Variants in ENGASE observed in about 807,000 individuals in gnomAD.
ENGASE encodes endo-beta-N-acetylglucosaminidase.
A neutral mutation model predicts 78.5 loss-of-function variants in ENGASE; 69 were observed. The observed-to-expected ratio is 0.88, with a 90% CI of 0.72 to 1.07. ENGASE has a LOEUF of 1.07. Among genes scored for constraint, ENGASE ranks in the 50% least tolerant of loss-of-function variants. The probability of loss-of-function intolerance (pLI) is 0.00; values close to 1 mark genes in which losing one functional copy is unlikely to be tolerated. For missense variants in ENGASE, 943 were observed against 988.4 expected (o/e 0.95, Z 0.62); for synonymous variants, 408 against 408.9 (o/e 1.00, Z 0.03).
rs560731472 is a variant in ENGASE at position 79,087,415 on chromosome 17, C to G, written c.*1066C>G. 48 of 225,132 alleles carry G rather than the reference C, an allele frequency of 2.1e-4. No individual in the cohort carries two copies. Among genetic ancestry groups the G allele is most frequent in the Middle Eastern group, 3.8e-3 (2 of 522 alleles). The allele number at this position is 225,132 out of a possible 1,614,324, so 13.9% of individuals were successfully genotyped here. A position where few individuals can be genotyped will look rare whatever the true frequency, so the allele number is the denominator to read the frequency against. ...GGGTCTTCACCACAGGCGCCTTCCT[C>G]TGTCCTTCCTGCTCTTTCTTCTCTG... On this transcript the variant is annotated 3_prime_UTR_variant, in exon 14 of 14. Transcript: ENST00000579016.
rs774103251 is a variant in ENGASE at position 79,080,312 on chromosome 17, C to A, written c.671C>A (p.Thr224Asn). 1.2e-6 allele frequency: 2 copies of A among 1,613,978 alleles called. No homozygotes were observed. Among genetic ancestry groups the A allele is most frequent in the African/African-American group, 2.7e-5 (2 of 75,046 alleles). ...GTGGCTGACCGGCTGGTCCAGATCA[C>A]TCAGTTTTTTCGTTTTGATGGCTGG... ...QAVADRLVQI[T>N]QFFRFDGWLI... The change falls in exon 5 of 14, where the codon ACT (threonine) becomes AAT (asparagine). Residue 224 changes from threonine (T) to asparagine (N), a missense_variant. By Grantham distance (65) the Thr-to-Asn change is moderately conservative. Coordinates refer to ENST00000579016, the MANE Select transcript of ENGASE (RefSeq NM_001042573.3).
intron 10 of ENGASE, chr17:79,084,221 A>G (rs12939800): frequency 0.051 from 27,589 of 536,016 alleles, 802 homozygotes; most frequent in Middle Eastern, 0.064. Flanking sequence ...GACTCTCCCC[A>G]TTGCACATTA....
chr17:79,085,770 T>C (rs893188896), intron 13 of ENGASE, 36 bp downstream of exon 13: 3 of 1,608,014 alleles, frequency 1.9e-6, no homozygotes, highest in African/African-American at 1.3e-5. Flanking sequence ...CTGGGCTGGC[T>C]GTTTGTCCAG....
chr17:79,077,820 G>C lies in ENGASE; in HGVS notation c.372G>C (p.Arg124=). 6.2e-7 allele frequency: 1 copy of C among 1,613,860 alleles called. No individual in the cohort carries two copies. Among genetic ancestry groups the C allele is most frequent in the South Asian group, 1.1e-5 (1 of 91,070 alleles). ...CCCCTCTGAGCAGCCAGAGGCCCCGGACTTTGTTGTGTCATGACATGATGG... is the reference window on the plus strand; with the variant it reads ...CCCCTCTGAGCAGCCAGAGGCCCCGCACTTTGTTGTGTCATGACATGATGG... ...RQPPLSSQRP[R]TLLCHDMMGG... is the part of the protein sequence containing the mutation. Residue 124 remains arginine, a synonymous_variant, in exon 3 of 14, where the codon CGG becomes CGC. Coordinates refer to ENST00000579016, the MANE Select transcript of ENGASE (RefSeq NM_001042573.3).
rs371426986 is a variant in ENGASE, at chr17:79,081,919, C to T, written c.894C>T (p.Asp298=). 99 of 1,613,022 alleles carry T rather than the reference C, an allele frequency of 6.1e-5. No homozygotes were observed. Among genetic ancestry groups the T allele is most frequent in the Non-Finnish European group, 7.8e-5 (92 of 1,179,392 alleles). The change falls in exon 7 of 14, where the codon GAC becomes GAT. Residue 298 remains aspartate (D), a synonymous_variant. Coordinates refer to ENST00000579016, the MANE Select transcript of ENGASE (RefSeq NM_001042573.3). ...QHNRVFFDSC[D]GFFTNYNWRE... ...TCAGGGTCTTCTTTGATTCCTGCGACGGCTTCTTCACTAACTATAACTGGC... is the reference window on the plus strand; with the variant it reads ...TCAGGGTCTTCTTTGATTCCTGCGATGGCTTCTTCACTAACTATAACTGGC...
In ENGASE at chr17:79,082,225, G is replaced by A. The variant is rs765195705; in HGVS notation, c.1038+162G>A. ...CACTGAGAAACAGGTGTCCTGCCCC[G>A]GCCAAGCTATGTCCCCACTGAAACC... On this transcript the variant is annotated intron_variant, in intron 7 of 13. Coordinates refer to ENST00000579016, the MANE Select transcript of ENGASE (RefSeq NM_001042573.3). 4 of 1,549,746 alleles carry A rather than the reference G, an allele frequency of 2.6e-6. No individual in the cohort carries two copies. The South Asian group carries it at 3.6e-5, about 14-fold the overall frequency.
rs771673399 is a variant in ENGASE, at chr17:79,085,685, C to T, written c.1766C>T (p.Pro589Leu). Residue 589 changes from proline (P) to leucine (L), a missense_variant, in exon 13 of 14, where the codon CCG becomes CTG. Transcript: ENST00000579016. ...CTCCTCGTTTGCTTCTCACGGCCGCCGGGTAGTCGGGAGGAGGAGAGCTTC... is the reference window on the plus strand; with the variant it reads ...CTCCTCGTTTGCTTCTCACGGCCGCTGGGTAGTCGGGAGGAGGAGAGCTTC... ...LDLLVCFSRP[P>L]GSREEESFTC... 1.9e-5 allele frequency: 31 copies of T among 1,613,810 alleles called. No homozygotes were observed. The highest frequency in any genetic ancestry group is 1.6e-4 in the Middle Eastern group (1 of 6,082).
intron 3 of ENGASE, 82 bp downstream of exon 3, chr17:79,077,946 C>T (rs1568086414): frequency 7.3e-7 from 1 of 1,378,754 alleles, no homozygotes; most frequent in Non-Finnish European, 9.8e-7. Context: ...GAGAGAGTGC[C>T]ATGTGTAGAA....
At chr17:79,080,164 A>G in intron 4 of ENGASE, 43 bp from the exon 5 acceptor site, 2 of 1,553,494 alleles carry the variant, frequency 1.3e-6, no homozygotes, top group Non-Finnish European at 1.7e-6. Context: ...GTGGAGGGAA[A>G]GTGATTCCCG....
chr17:79,086,148 G>A lies in ENGASE; in HGVS notation c.2031G>A (p.Glu677=). The A allele has an allele frequency of 1.2e-6, 2 of 1,613,786 alleles. No individual in the cohort carries two copies. The highest frequency in any genetic ancestry group is 1.7e-6 in the Non-Finnish European group (2 of 1,180,040). The part of the protein sequence containing the change: ...GGMSDDSPGR[E]LPRPEMPMFL... ...TGAGTGATGACTCTCCGGGCAGGGA[G>A]CTGCCGAGGCCAGAGATGCCCATGT... Residue 677 remains glutamate, a synonymous_variant, in exon 14 of 14, where the codon GAG becomes GAA. Coordinates refer to ENST00000579016, the MANE Select transcript of ENGASE (RefSeq NM_001042573.3).
At position 79,086,773 on chromosome 17, in the gene ENGASE, G is replaced by A. The variant is rs1192359261; in HGVS notation, c.*424G>A. ...AAAGGGTCTTAGATTGTGGCAGGTA[G>A]GCTTTGGAGCAGGCGCCGAGACATT... On this transcript the variant is annotated 3_prime_UTR_variant, in exon 14 of 14. Coordinates refer to ENST00000579016, the MANE Select transcript of ENGASE (RefSeq NM_001042573.3). 1 of 364,768 alleles carries A rather than the reference G, an allele frequency of 2.7e-6. No homozygotes were observed. The highest frequency in any genetic ancestry group is 2.1e-5 in the African/African-American group (1 of 46,982). The allele number at this position is 364,768 out of a possible 1,614,324, so 22.6% of individuals were successfully genotyped here. A position where few individuals can be genotyped will look rare whatever the true frequency, so the allele number is the denominator to read the frequency against.
At position 79,086,878 on chromosome 17, in the gene ENGASE, C is replaced by T. The variant is rs1230301235; in HGVS notation, c.*529C>T. On this transcript the variant is annotated 3_prime_UTR_variant, in exon 14 of 14. Transcript: ENST00000579016. ...GGCGGGAGAGGATGCCCTGGAGAAC[C>T]GTCCTCCCAGTGTGGAAGGCCCTTT... The T allele has an allele frequency of 1.8e-5, 8 of 450,946 alleles. No homozygotes were observed. The highest frequency in any genetic ancestry group is 6.4e-4 in the Middle Eastern group (1 of 1,554). 27.9% of individuals were successfully genotyped at this position (450,946 alleles called of 1,614,324 possible).
chr17:79,088,215 T>C lies in ENGASE; in HGVS notation c.*1866T>C, dbSNP rs1032648477. The C allele has an allele frequency of 1.3e-5, 2 of 152,030 alleles. No homozygotes were observed. Among genetic ancestry groups the C allele is most frequent in the Non-Finnish European group, 2.9e-5 (2 of 68,014 alleles). 9.4% of individuals were successfully genotyped at this position (152,030 alleles called of 1,614,324 possible). A position where few individuals can be genotyped will look rare whatever the true frequency, so the allele number is the denominator to read the frequency against. ...CCCGGGAGCTCTTTGAGCCTTTCTG[T>C]CTCATTTGGAACCAGGGGGAACCAG... On this transcript the variant is annotated 3_prime_UTR_variant, in exon 14 of 14. Transcript: ENST00000579016.
Position 79,083,780 on chromosome 17 carries a change from G to C in ENGASE, c.1271G>C (p.Trp424Ser), listed in dbSNP as rs1863212650. ...CTTCAGGAAGAGGCGGTAGGGCCCTGGTACCACCTGAGCGCCCAGGAGATC... is the reference window on the plus strand; with the variant it reads ...CTTCAGGAAGAGGCGGTAGGGCCCTCGTACCACCTGAGCGCCCAGGAGATC... ...CYGQEEAVGPWYHLSAQEIQP... is the reference protein window; with the variant it reads ...CYGQEEAVGPSYHLSAQEIQP... Residue 424 changes from tryptophan to serine, a missense_variant, in exon 10 of 14, where the codon TGG becomes TCG. Coordinates refer to ENST00000579016, the MANE Select transcript of ENGASE (RefSeq NM_001042573.3). The surrounding 1 kb of genome is among the most constrained non-coding windows in gnomAD (Gnocchi z 4.9). The C allele has an allele frequency of 6.2e-7, 1 of 1,611,228 alleles. No homozygotes were observed. The highest frequency in any genetic ancestry group is 8.5e-7 in the Non-Finnish European group (1 of 1,178,824).
chr17:79,075,814 C>T (rs1471914769), intron 1 of ENGASE: 17 of 985,240 alleles, frequency 1.7e-5, no homozygotes, highest in Non-Finnish European at 1.9e-5. Flanking sequence ...AGGCTGGCTG[C>T]TGGGAAAGAT....
rs775950166 is a variant in ENGASE at position 79,085,916 on chromosome 17, G to C, written c.1816-17G>C. On this transcript the variant is annotated splice_polypyrimidine_tract_variant and intron_variant, in intron 13 of 13. Coordinates refer to ENST00000579016, the MANE Select transcript of ENGASE (RefSeq NM_001042573.3). ...GCCCCCGGGCGTCCAGCCGTGCTGA[G>C]CCTTCTCTCCTGCCAGGTGGTGGAC... 6.3e-7 allele frequency: 1 copy of C among 1,587,666 alleles called. No individual in the cohort carries two copies. The highest frequency in any genetic ancestry group is 8.5e-7 in the Non-Finnish European group (1 of 1,171,278).
rs772975541 is a variant in ENGASE, at chr17:79,086,270, A to G, written c.2153A>G (p.Glu718Gly). 21 of 1,613,476 alleles carry G rather than the reference A, an allele frequency of 1.3e-5. No homozygotes were observed. The Admixed American group carries it at 1.5e-4, about 12-fold the overall frequency. ...GATCGTCGCATGGAATTTCTGGTGG[A>G]GCCTGTCCCCAAGGAAGGGTTCCGG... The part of the protein sequence containing the change: ...GQDRRMEFLV[E>G]PVPKEGFRVP... Residue 718 changes from glutamate to glycine, a missense_variant, in exon 14 of 14, where the codon GAG becomes GGG. Glu to Gly is a moderately conservative substitution (Grantham distance 98). Transcript: ENST00000579016.
In ENGASE at chr17:79,075,000, A is replaced by T; in HGVS notation, c.56A>T (p.Gln19Leu). The T allele has an allele frequency of 8.2e-7, 1 of 1,217,020 alleles. No individual in the cohort carries two copies. Among genetic ancestry groups the T allele is most frequent in the Non-Finnish European group, 1.0e-6 (1 of 976,066 alleles). 75.4% of individuals were successfully genotyped at this position (1,217,020 alleles called of 1,614,324 possible). Residue 19 changes from glutamine (Q) to leucine (L), a missense_variant, in exon 1 of 14, where the codon CAG becomes CTG. Physicochemically the swap from Gln to Leu is moderately radical, Grantham distance 113 (BLOSUM62 -2). Transcript: ENST00000579016. ...TCGGCTACACGGCGGCGGCGGCGGC[A>T]GCTGCAGGGGCTGGCGGCCCCGGAG... Reference protein sequence around the residue: ...TRSATRRRRRQLQGLAAPEAG... With the variant: ...TRSATRRRRRLLQGLAAPEAG...
At chr17:79,077,936 G>GGGGGGGGGGGGGGGGGT in intron 3 of ENGASE, 72 bp downstream of exon 3, 1 of 721,530 alleles carries the variant, frequency 1.4e-6, no homozygotes, top group Non-Finnish European at 2.2e-6. Context: ...GGAGGGGCGG[G>GGGGGGGGGGGGGGGGGT]AGAGAGTGCC....
Sources: allele counts gnomAD v4.1 joint callset, GRCh38; gene constraint gnomAD v4.1.1; non-coding constraint Gnocchi (gnomAD v3.1); transcripts MANE v1.5; gene names NCBI Gene and HGNC (gene_info 2026-07-23, HGNC 2026-07-21).